The following VPS52 variants were observed in gnomAD, a reference collection of about 807,000 sequenced individuals.
The protein encoded by VPS52 is VPS52 subunit of GARP complex.
In VPS52, 56 loss-of-function variants were observed where a neutral mutation model predicts 98.7. That is an observed-to-expected ratio of 0.57 (90% CI 0.46 to 0.71). VPS52 has a LOEUF of 0.71. Among genes scored for constraint, VPS52 ranks in the 30% least tolerant of loss-of-function variants. The probability of loss-of-function intolerance (pLI) is 0.00; values close to 1 mark genes in which losing one functional copy is unlikely to be tolerated. For missense variants in VPS52, 742 were observed against 925.9 expected, an observed-to-expected ratio of 0.80 and a Z score of 2.58; for synonymous variants, 348 against 346.4, an observed-to-expected ratio of 1.00 and a Z score of -0.05.
chr6:33,261,698 C>T (rs1370051893), intron 17 of VPS52, among the ~76,000 whole-genome samples: 3 of 152,094 alleles, frequency 2.0e-5, no homozygotes, highest in Non-Finnish European at 2.9e-5. Context: ...ACCCCACAAG[C>T]ACAGGCAACC....
At position 33,256,308 on chromosome 6, in the gene VPS52, G is replaced by GA. The variant is rs200321514; in HGVS notation, c.1795-4338dup. 2.9e-3 allele frequency among the ~76,000 whole-genome samples: 427 copies of GA among 145,216 alleles called. 5 individuals carry two copies. Among genetic ancestry groups the GA allele is most frequent in the African/African-American group, 0.01 (401 of 39,770 alleles). On this transcript the variant is annotated intron_variant, in intron 17 of 19. Coordinates refer to ENST00000445902, the MANE Select transcript of VPS52 (RefSeq NM_022553.6). ...ATTTTTAAATTTTGTATTCTCTACAGAAAAAAAAAAGCCAAGTGTGGTGCT... is the reference window on the plus strand; with the variant it reads ...ATTTTTAAATTTTGTATTCTCTACAGAAAAAAAAAAAGCCAAGTGTGGTGCT...
intron 1 of VPS52, 187 bp downstream of exon 1, chr6:33,271,399 A>C: frequency 1.2e-6 from 1 of 831,926 alleles, no homozygotes; most frequent in Non-Finnish European, 2.0e-6. Context: ...TGTGCCCCAG[A>C]ACATGAGTTT....
At chr6:33,260,878 G>A (rs1763546446) in intron 17 of VPS52, among the ~76,000 whole-genome samples, 1 of 151,978 alleles carries the variant, frequency 6.6e-6, no homozygotes. Flanking sequence ...GCACGTGCCT[G>A]CAGTCCCAGC....
At chr6:33,251,497 G>A in intron 19 of VPS52, 21 bp downstream of exon 19, 1 of 1,470,550 alleles carries the variant, frequency 6.8e-7, no homozygotes, top group South Asian at 1.1e-5. Flanking sequence ...ATCTGAGTGG[G>A]GCCTGGGACT....
chr6:33,270,152 T>C (rs1764828846), intron 2 of VPS52, 47 bp downstream of exon 2: 4 of 1,611,956 alleles, frequency 2.5e-6, no homozygotes, highest in Non-Finnish European at 3.4e-6. Flanking sequence ...CCAGCCCCCA[T>C]GCCTCTCAGA....
chr6:33,261,075 T>A (rs1763577117), intron 17 of VPS52, among the ~76,000 whole-genome samples: 1 of 152,084 alleles, frequency 6.6e-6, no homozygotes, highest in Admixed American at 6.6e-5. Context: ...AGTTGTCTTT[T>A]GTAAAGACAA....
rs200453261 is a variant in VPS52 at position 33,264,150 on chromosome 6, C to T, written c.1525-47G>A. 6.5e-5 allele frequency: 104 copies of T among 1,603,610 alleles called. No homozygotes were observed. In the African/African-American group the frequency reaches 1.3e-3, roughly 20 times the overall value. ...AATCACACCCACCTCCTGGCCCAAC[C>T]AACACAACCTCCCAACTTCCTTAGC... is the stretch of plus-strand genomic sequence containing the variant. On this transcript the variant is annotated intron_variant, in intron 14 of 19. Coordinates refer to ENST00000445902, the MANE Select transcript of VPS52 (RefSeq NM_022553.6).
chr6:33,250,598 C>T lies in VPS52; in HGVS notation c.*243G>A, dbSNP rs1762104858. The T allele has an allele frequency of 1.9e-6, 1 of 519,060 alleles. No homozygotes were observed. Among genetic ancestry groups the T allele is most frequent in the Non-Finnish European group, 3.4e-6 (1 of 296,366 alleles). The allele number at this position is 519,060 out of a possible 1,614,324, so 32.2% of individuals were successfully genotyped here. Reference sequence around the variant, plus strand: ...GACAGACTGGAGAAATGATAAAGGCCATTTTGGAAGCCCACAGGGAAGTGG... The same window carrying T: ...GACAGACTGGAGAAATGATAAAGGCTATTTTGGAAGCCCACAGGGAAGTGG... On this transcript the variant is annotated 3_prime_UTR_variant, in exon 20 of 20. Transcript: ENST00000445902.
At chr6:33,253,292 C>T (rs1350398059) in intron 17 of VPS52, among the ~76,000 whole-genome samples, 2 of 151,940 alleles carry the variant, frequency 1.3e-5, no homozygotes, top group Non-Finnish European at 2.9e-5. Flanking sequence ...GAGTTTGAGA[C>T]CAGCCTGGCC....
In VPS52 at chr6:33,260,475, ACAAAC is replaced by A. The variant is rs565295578; in HGVS notation, c.1794+3004_1794+3008del. Among the ~76,000 whole-genome samples, 929 of 152,140 alleles carry A rather than the reference ACAAAC, an allele frequency of 6.1e-3. 11 individuals carry two copies. Among genetic ancestry groups the A allele is most frequent in the African/African-American group, 0.022 (900 of 41,490 alleles). On this transcript the variant is annotated intron_variant, in intron 17 of 19. Coordinates refer to ENST00000445902, the MANE Select transcript of VPS52 (RefSeq NM_022553.6). ...TTGTTTTTTAATGATATAAACACTC[ACAAAC>A]ACACCACACAATCCAAGTAGCAGCA... is the stretch of plus-strand genomic sequence containing the variant.
At position 33,251,871 on chromosome 6, in the gene VPS52, C is replaced by G; in HGVS notation, c.1895G>C (p.Arg632Pro). 6.2e-7 allele frequency: 1 copy of G among 1,613,482 alleles called. No homozygotes were observed. The highest frequency in any genetic ancestry group is 8.5e-7 in the Non-Finnish European group (1 of 1,180,048). Residue 632 changes from arginine (R) to proline (P), a missense_variant, in exon 18 of 20, where the codon CGA (arginine) becomes CCA (proline). Physicochemically the swap from Arg to Pro is moderately radical, Grantham distance 103 (BLOSUM62 -2). Around this residue, in one of 2 missense-constraint regions of VPS52, gnomAD observed 590 missense variants for 793.3 expected, o/e 0.74. Transcript: ENST00000445902. ...TATTTTCCTCATACCTTCTTCCCCTCGAAGTCGCTCAGCCTGTCCACGCTC... is the reference window on the plus strand; with the variant it reads ...TATTTTCCTCATACCTTCTTCCCCTGGAAGTCGCTCAGCCTGTCCACGCTC... ...LIERGQAERL[R>P]GEEARVTQLI...
At chr6:33,271,079 T>G in intron 1 of VPS52, 1 of 286,562 alleles carries the variant, frequency 3.5e-6, no homozygotes, top group South Asian at 5.6e-5. Flanking sequence ...TTGGGTGTTC[T>G]ATCACACCTC....
At chr6:33,259,450 G>A (rs1763384264) in intron 17 of VPS52, among the ~76,000 whole-genome samples, 2 of 152,102 alleles carry the variant, frequency 1.3e-5, no homozygotes, top group South Asian at 4.1e-4. Flanking sequence ...CAGCCTGACT[G>A]AACCCCTACA....
At position 33,267,366 on chromosome 6, in the gene VPS52, G is replaced by A. The variant is rs1273587273; in HGVS notation, c.992-45C>T. On this transcript the variant is annotated intron_variant, in intron 10 of 19. Coordinates refer to ENST00000445902, the MANE Select transcript of VPS52 (RefSeq NM_022553.6). The surrounding 1 kb of genome is among the most constrained non-coding windows in gnomAD (Gnocchi z 4.2). ...GGGAAAACAATGAGACCATAACTGG[G>A]CCCAAAGACTCACTATCTGTGGGGA... The A allele has an allele frequency of 3.9e-6, 6 of 1,526,182 alleles. No homozygotes were observed. Among genetic ancestry groups the A allele is most frequent in the Non-Finnish European group, 5.3e-6 (6 of 1,137,180 alleles). The allele number at this position is 1,526,182 out of a possible 1,614,324, so 94.5% of individuals were successfully genotyped here. A position where few individuals can be genotyped will look rare whatever the true frequency, so the allele number is the denominator to read the frequency against.
intron 17 of VPS52, among the ~76,000 whole-genome samples, chr6:33,256,562 A>G (rs907883031): frequency 2.3e-4 from 34 of 150,674 alleles, no homozygotes; most frequent in African/African-American, 8.3e-4. Flanking sequence ...TAAAGTATCA[A>G]TTCTTCCAAA....
intron 17 of VPS52, among the ~76,000 whole-genome samples, chr6:33,253,904 T>C (rs1762624291): frequency 1.3e-5 from 2 of 152,174 alleles, no homozygotes; most frequent in Admixed American, 1.3e-4. Flanking sequence ...AAACTGTCCG[T>C]GAACTGCTAT....
chr6:33,269,732 G>C lies in VPS52; in HGVS notation c.304+12C>G. On this transcript the variant is annotated intron_variant, in intron 4 of 19. Coordinates refer to ENST00000445902, the MANE Select transcript of VPS52 (RefSeq NM_022553.6). ...GTCAATAGCACCACCCCTTCCCTCT[G>C]CTGGAGGATACAATCCCGAATGGAT... 6.2e-7 allele frequency: 1 copy of C among 1,612,944 alleles called. No individual in the cohort carries two copies. Among genetic ancestry groups the C allele is most frequent in the Non-Finnish European group, 8.5e-7 (1 of 1,179,378 alleles).
chr6:33,269,827 A>G lies in VPS52; in HGVS notation c.229-8T>C. On this transcript the variant is annotated splice_polypyrimidine_tract_variant and splice_region_variant and intron_variant, in intron 3 of 19. Transcript: ENST00000445902. The stretch of plus-strand genomic sequence containing the variant: ...GTGACGGAGATCTACACCCTGGGAG[A>G]ACATAAAGATGACAGGTCAGAAGGA... 3.1e-6 allele frequency: 5 copies of G among 1,613,352 alleles called. No homozygotes were observed. The highest frequency in any genetic ancestry group is 1.3e-5 in the African/African-American group (1 of 75,022).
intron 17 of VPS52, among the ~76,000 whole-genome samples, chr6:33,258,221 T>A (rs987181845): frequency 1.3e-5 from 2 of 152,020 alleles, no homozygotes; most frequent in Non-Finnish European, 2.9e-5. Context: ...AACCCATCTC[T>A]ACTAAATATA....
Sources: gnomAD v4.1 joint callset for allele counts (sites outside exome capture counted in the v4.1 genomes callset) on GRCh38, gnomAD v4.1.1 for gene constraint, gnomAD v4.1.1 regional missense constraint, Gnocchi (gnomAD v3.1) non-coding constraint, MANE v1.5 for transcripts, NCBI Gene and HGNC (gene_info 2026-07-23, HGNC 2026-07-21) for gene names.